WDR17: variants seen among roughly 807,000 people sequenced by gnomAD.
The protein encoded by WDR17 is WD repeat-containing protein 17.
In WDR17, 143 loss-of-function variants were observed where a neutral mutation model predicts 161.7. The observed-to-expected ratio is 0.88, with a 90% CI of 0.77 to 1.02. The LOEUF is 1.02. Ranked by LOEUF, WDR17 falls within the 50% of genes least tolerant of loss-of-function variation. The pLI is 0.00. For missense variants in WDR17, 1,469 were observed against 1,520.9 expected, an observed-to-expected ratio of 0.97 and a Z score of 0.57; for synonymous variants, 517 against 515.6, an observed-to-expected ratio of 1.00 and a Z score of -0.04.
chr4:176,177,049 CA>C lies in WDR17; in HGVS notation c.3450-8del. 6.2e-7 allele frequency: 1 copy of C among 1,605,824 alleles called. No homozygotes were observed. The highest frequency in any genetic ancestry group is 8.5e-7 in the Non-Finnish European group (1 of 1,173,644). ...GTATCAGATGTTAATTTCCTTTTCA[CA>C]CGTTCAGTCAGCTATTAAAACGTCG... On this transcript the variant is annotated splice_region_variant and splice_polypyrimidine_tract_variant and intron_variant, in intron 26 of 28. Coordinates refer to ENST00000508596, the MANE Select transcript of WDR17 (RefSeq NM_181265.4).
chr4:176,180,303 T>C lies in WDR17; in HGVS notation c.*724T>C, dbSNP rs956069668. 3.1e-4 allele frequency: 47 copies of C among 152,100 alleles called. No homozygotes were observed. Among genetic ancestry groups the C allele is most frequent in the Admixed American group, 3.1e-3 (47 of 15,264 alleles). 9.4% of individuals were successfully genotyped at this position (152,100 alleles called of 1,614,324 possible). A position where few individuals can be genotyped will look rare whatever the true frequency, so the allele number is the denominator to read the frequency against. On this transcript the variant is annotated 3_prime_UTR_variant, in exon 29 of 29. Transcript: ENST00000508596. ...TATATATATGAAAACTTGCATTAGG[T>C]GATAAAGTGACTATTTTAAGAGATT...
Position 176,131,804 on chromosome 4 carries a change from T to C in WDR17, c.1098+66T>C, listed in dbSNP as rs1179655671. 2.5e-6 allele frequency: 3 copies of C among 1,204,782 alleles called. No homozygotes were observed. The East Asian group carries it at 8.2e-5, about 33-fold the overall frequency. 74.6% of individuals were successfully genotyped at this position (1,204,782 alleles called of 1,614,324 possible). On this transcript the variant is annotated intron_variant, in intron 7 of 28. Transcript: ENST00000508596. ...TTGTGTAAACCCATGATCTTTACTT[T>C]TACCTGTCTGAATATTATTTGAAAT...
chr4:176,137,666 T>G (rs1328831457), intron 9 of WDR17, 55 bp downstream of exon 9: 1 of 1,087,170 alleles, frequency 9.2e-7, no homozygotes, highest in Admixed American at 2.9e-5. Context: ...ATTTTGTATT[T>G]ATTTTGTAAA....
intron 11 of WDR17, among the ~76,000 whole-genome samples, chr4:176,145,141 C>T (rs1040502368): frequency 6.6e-6 from 1 of 152,138 alleles, no homozygotes; most frequent in South Asian, 2.1e-4. Flanking sequence ...CAGTGTGTAA[C>T]TGCCTTTCTT....
chr4:176,111,564 TG>T lies in WDR17; in HGVS notation c.-6-10del, dbSNP rs752481151. 7 of 1,594,172 alleles carry T rather than the reference TG, an allele frequency of 4.4e-6. No individual in the cohort carries two copies. The highest frequency in any genetic ancestry group is 1.8e-5 in the Admixed American group (1 of 56,244). ...GAAATCACTGACATTTCTTCAAATT[TG>T]TTTTTCAAGGCAAACATGTCCCAGG... is the stretch of plus-strand genomic sequence containing the variant. On this transcript the variant is annotated splice_polypyrimidine_tract_variant and intron_variant, in intron 1 of 28. Transcript: ENST00000508596.
chr4:176,137,313 C>A (rs9884697), intron 8 of WDR17, among the ~76,000 whole-genome samples: 40,381 of 151,234 alleles, frequency 0.27, 5,653 homozygotes, highest in African/African-American at 0.34. Flanking sequence ...AAGATTGGCC[C>A]TATTTTGATA....
At chr4:176,154,881 A>G (rs541739808) in intron 17 of WDR17, among the ~76,000 whole-genome samples, 3 of 152,320 alleles carry the variant, frequency 2.0e-5, no homozygotes, top group African/African-American at 7.2e-5. Flanking sequence ...GTTCCACTCT[A>G]GACTGGAATC....
intron 1 of WDR17, among the ~76,000 whole-genome samples, chr4:176,069,303 T>G (rs1434980093): frequency 6.6e-6 from 1 of 152,028 alleles, no homozygotes; most frequent in Non-Finnish European, 1.5e-5. Context: ...TTAAATGTAC[T>G]TACAAAGTAT....
intron 1 of WDR17, among the ~76,000 whole-genome samples, chr4:176,100,100 A>G (rs1737575160): frequency 6.6e-6 from 1 of 152,172 alleles, no homozygotes; most frequent in African/African-American, 2.4e-5. Context: ...GTAGATACAC[A>G]GTAGTAGGAT....
At chr4:176,085,321 G>T (rs979219269) in intron 1 of WDR17, among the ~76,000 whole-genome samples, 1 of 151,954 alleles carries the variant, frequency 6.6e-6, no homozygotes, top group Non-Finnish European at 1.5e-5. Context: ...GTCTTTTTCA[G>T]GTTTGGGGAA....
At chr4:176,159,690 CAT>C (rs1267981125) in intron 18 of WDR17, among the ~76,000 whole-genome samples, 4 of 152,140 alleles carry the variant, frequency 2.6e-5, no homozygotes, top group Non-Finnish European at 4.4e-5. Flanking sequence ...TTGTATAAAA[CAT>C]ATTTTTGAAT....
intron 1 of WDR17, among the ~76,000 whole-genome samples, chr4:176,087,568 T>A (rs1735575439): frequency 6.6e-6 from 1 of 152,102 alleles, no homozygotes; most frequent in South Asian, 2.1e-4. Flanking sequence ...TCTTTATCTC[T>A]CTTTGGTTTC....
chr4:176,075,266 G>A (rs1733816416), intron 1 of WDR17, among the ~76,000 whole-genome samples: 2 of 151,830 alleles, frequency 1.3e-5, no homozygotes. Flanking sequence ...AGGTGACTGA[G>A]TCAATTTCTA....
intron 1 of WDR17, among the ~76,000 whole-genome samples, chr4:176,089,541 C>A (rs1344776297): frequency 6.6e-6 from 1 of 151,806 alleles, no homozygotes; most frequent in Non-Finnish European, 1.5e-5. Context: ...GTATGAGTGC[C>A]AAGTGTTGTA....
intron 1 of WDR17, among the ~76,000 whole-genome samples, chr4:176,080,422 G>C (rs149684819): frequency 9.2e-5 from 14 of 151,794 alleles, no homozygotes; most frequent in East Asian, 1.9e-4. Context: ...TCAGGGAGAT[G>C]ATGAGGAATC....
chr4:176,174,495 C>A, intron 25 of WDR17, 122 bp from the exon 26 acceptor site: 1 of 602,924 alleles, frequency 1.7e-6, no homozygotes, highest in Non-Finnish European at 2.6e-6. Context: ...AGAAAATTTT[C>A]TAAACATATA....
chr4:176,120,728 C>T (rs1308920854), intron 4 of WDR17, among the ~76,000 whole-genome samples: 1 of 151,508 alleles, frequency 6.6e-6, no homozygotes, highest in Non-Finnish European at 1.5e-5. Context: ...GGGAAACATA[C>T]TTTTAGCTAT....
intron 28 of WDR17, among the ~76,000 whole-genome samples, chr4:176,178,246 A>T (rs891839846): frequency 2.6e-5 from 4 of 152,192 alleles, no homozygotes; most frequent in Admixed American, 1.3e-4. Context: ...GTCTCAAAAC[A>T]TAACCAGTAT....
At position 176,155,545 on chromosome 4, in the gene WDR17, G is replaced by GTT. The variant is rs869207103; in HGVS notation, c.2461-519_2461-518dup. On this transcript the variant is annotated intron_variant, in intron 17 of 28. Transcript: ENST00000508596. ...TTTGTTTTTTTGTTTATTTGTTTGTGTTTTTTTTTTTTTTTTGGAGACGAA... is the reference window on the plus strand; with the variant it reads ...TTTGTTTTTTTGTTTATTTGTTTGTGTTTTTTTTTTTTTTTTTTGGAGACGAA... Among the ~76,000 whole-genome samples, 14 of 105,246 alleles carry GTT rather than the reference G, an allele frequency of 1.3e-4. 1 individual carries two copies. Among genetic ancestry groups the GTT allele is most frequent in the African/African-American group, 4.7e-4 (12 of 25,624 alleles). The allele number at this position is 105,246 out of a possible 152,430, so 69.0% of individuals were successfully genotyped here. A position where few individuals can be genotyped will look rare whatever the true frequency, so the allele number is the denominator to read the frequency against.
Sources: gnomAD v4.1 joint callset for allele counts (sites outside exome capture counted in the v4.1 genomes callset) on GRCh38, gnomAD v4.1.1 for gene constraint, MANE v1.5 for transcripts, NCBI Gene and HGNC (gene_info 2026-07-23, HGNC 2026-07-21) for gene names.